Variants in TTC27 observed in about 807,000 individuals in gnomAD.
TTC27 encodes tetratricopeptide repeat domain 27.
A neutral mutation model predicts 115.9 loss-of-function variants in TTC27; 79 were observed. That is an observed-to-expected ratio of 0.68 (90% CI 0.57 to 0.82). The LOEUF (loss-of-function observed/expected upper bound fraction) is 0.82. Ranked by LOEUF, TTC27 falls within the 40% of genes least tolerant of loss-of-function variation. The pLI is 0.00. For synonymous variants in TTC27, 401 were observed against 356.0 expected, an observed-to-expected ratio of 1.13 and a Z score of -1.42; for missense variants, 1,054 against 993.1, an observed-to-expected ratio of 1.06 and a Z score of -0.82.
At chr2:32,681,679 A>C (rs1343066116) in intron 9 of TTC27, among the ~76,000 whole-genome samples, 1 of 147,404 alleles carries the variant, frequency 6.8e-6, no homozygotes, top group Non-Finnish European at 1.5e-5. Flanking sequence ...AAATAGGCTC[A>C]GTGTTAGATG....
At chr2:32,738,115 T>A (rs967164177) in intron 12 of TTC27, among the ~76,000 whole-genome samples, 3 of 152,212 alleles carry the variant, frequency 2.0e-5, no homozygotes, top group Non-Finnish European at 4.4e-5. Context: ...AAGGTTTCCC[T>A]TATGATTTGC....
At chr2:32,792,917 T>G (rs960033091) in intron 16 of TTC27, among the ~76,000 whole-genome samples, 23 of 152,236 alleles carry the variant, frequency 1.5e-4, no homozygotes, top group Admixed American at 3.9e-4. Flanking sequence ...GGCCTTCAAC[T>G]CTCTTCACAG....
chr2:32,631,023 G>T (rs1664177782), intron 2 of TTC27, among the ~76,000 whole-genome samples: 1 of 152,140 alleles, frequency 6.6e-6, no homozygotes, highest in Non-Finnish European at 1.5e-5. Flanking sequence ...ATACTTTCAG[G>T]CTGGGTGCAG....
At chr2:32,756,725 T>C (rs1279518025) in intron 12 of TTC27, among the ~76,000 whole-genome samples, 1 of 152,248 alleles carries the variant, frequency 6.6e-6, no homozygotes, top group Non-Finnish European at 1.5e-5. Flanking sequence ...TTTTAGCTGC[T>C]AAAGGATGGC....
chr2:32,712,763 T>C (rs1667625153), intron 10 of TTC27, among the ~76,000 whole-genome samples: 1 of 152,142 alleles, frequency 6.6e-6, no homozygotes, highest in Non-Finnish European at 1.5e-5. Context: ...CCCGGGCTGG[T>C]CTTGAACTCC....
chr2:32,753,840 G>C (rs1225373218), intron 12 of TTC27, among the ~76,000 whole-genome samples: 1 of 152,068 alleles, frequency 6.6e-6, no homozygotes, highest in African/African-American at 2.4e-5. Flanking sequence ...CTGAGAGGCC[G>C]AGGTGGGCAG....
chr2:32,741,998 G>A (rs866088773), intron 12 of TTC27, among the ~76,000 whole-genome samples: 2 of 152,220 alleles, frequency 1.3e-5, no homozygotes, highest in Admixed American at 6.5e-5. Flanking sequence ...AGGAAACTGT[G>A]AGCATATTAT....
chr2:32,692,036 G>GTTTTTTTTGTTTTTTTTTTTTT (rs1666831094), intron 9 of TTC27, among the ~76,000 whole-genome samples: 1 of 61,188 alleles, frequency 1.6e-5, no homozygotes, highest in Non-Finnish European at 2.9e-5. Context: ...AATTTTTTAG[G>GTTTTTTTTGTTTTTTTTTTTTT]TTTTTTTTTT....
chr2:32,686,584 C>T (rs576133202), intron 9 of TTC27, among the ~76,000 whole-genome samples: 5 of 151,998 alleles, frequency 3.3e-5, no homozygotes, highest in Non-Finnish European at 7.4e-5. Flanking sequence ...TGGTCTCGAA[C>T]TCCCAGGCTC....
intron 12 of TTC27, among the ~76,000 whole-genome samples, chr2:32,741,285 C>G (rs1380172395): frequency 1.3e-5 from 2 of 152,152 alleles, no homozygotes; most frequent in East Asian, 3.9e-4. Context: ...CCAAACTACT[C>G]TGGTACCCCA....
intron 9 of TTC27, among the ~76,000 whole-genome samples, chr2:32,700,546 AT>A (rs1237696999): frequency 9.3e-5 from 14 of 150,612 alleles, no homozygotes; most frequent in Middle Eastern, 3.4e-3. Context: ...TGAAAAAAAA[AT>A]TTTTTTTTTG....
intron 13 of TTC27, among the ~76,000 whole-genome samples, chr2:32,761,540 A>G (rs557187551): frequency 2.6e-5 from 4 of 151,418 alleles, no homozygotes; most frequent in African/African-American, 4.8e-5. Flanking sequence ...CCTTCCTCCA[A>G]TTCTCCCCTT....
At chr2:32,644,523 T>C (rs1664775971) in intron 4 of TTC27, among the ~76,000 whole-genome samples, 1 of 152,182 alleles carries the variant, frequency 6.6e-6, no homozygotes, top group Non-Finnish European at 1.5e-5. Context: ...TGACTTCTGC[T>C]TAAAAACCTG....
chr2:32,660,256 C>G (rs1665488772), intron 5 of TTC27, among the ~76,000 whole-genome samples: 1 of 152,134 alleles, frequency 6.6e-6, no homozygotes, highest in Admixed American at 6.6e-5. Flanking sequence ...TTGCATTTCT[C>G]TAATGACCAG....
chr2:32,777,038 G>A (rs1670018374), intron 13 of TTC27, among the ~76,000 whole-genome samples: 1 of 152,096 alleles, frequency 6.6e-6, no homozygotes, highest in Admixed American at 6.5e-5. Context: ...AAATCTCAGT[G>A]TTTACACATC....
intron 12 of TTC27, among the ~76,000 whole-genome samples, chr2:32,738,245 G>T (rs1361224923): frequency 6.6e-6 from 1 of 152,140 alleles, no homozygotes; most frequent in Non-Finnish European, 1.5e-5. Context: ...CTTCATGCTA[G>T]CTTTGTGATG....
chr2:32,758,702 GT>G (rs941343678), intron 13 of TTC27, among the ~76,000 whole-genome samples, 183 bp downstream of exon 13: 3 of 151,924 alleles, frequency 2.0e-5, no homozygotes, highest in Non-Finnish European at 2.9e-5. Flanking sequence ...AAGTGGATAG[GT>G]TTTTTTTAAT....
rs562937125 is a variant in TTC27, at chr2:32,702,624, A to G, written c.1120-183A>G. Among the ~76,000 whole-genome samples the G allele has an allele frequency of 9.2e-5, 14 of 152,328 alleles. 1 individual carries two copies. The South Asian group carries it at 2.7e-3, about 29-fold the overall frequency. ...AACAAATGCCAGAAAGCATTCTCAT[A>G]TGTTTTAGAATGATTTCTGTAATAC... On this transcript the variant is annotated intron_variant, in intron 9 of 19. Transcript: ENST00000317907.
chr2:32,810,185 G>A (rs578092344), intron 16 of TTC27, among the ~76,000 whole-genome samples: 3 of 151,932 alleles, frequency 2.0e-5, no homozygotes, highest in South Asian at 2.1e-4. Context: ...TAGATACTTC[G>A]CATGCCTAAT....
Sources: gnomAD v4.1 joint callset for allele counts (sites outside exome capture counted in the v4.1 genomes callset) on GRCh38, gnomAD v4.1.1 for gene constraint, MANE v1.5 for transcripts, NCBI Gene and HGNC (gene_info 2026-07-23, HGNC 2026-07-21) for gene names.